M1AP: variants seen among roughly 807,000 people sequenced by gnomAD.
M1AP encodes meiosis 1 associated protein, also known as meiosis 1 arrest protein.
Under a neutral mutation model 51.2 loss-of-function variants are expected in M1AP, and 39 were observed. The observed-to-expected ratio is 0.76, with a 90% CI of 0.59 to 1.00. M1AP has a LOEUF of 1.00. M1AP is among the 50% of genes least tolerant of loss of function. The pLI is 0.00. For synonymous variants in M1AP, 251 were observed against 249.2 expected, an observed-to-expected ratio of 1.01 and a Z score of -0.07; for missense variants, 545 against 641.2, an observed-to-expected ratio of 0.85 and a Z score of 1.62.
chr2:74,595,617 G>A (rs116439955), intron 4 of M1AP, among the ~76,000 whole-genome samples: 1 of 152,192 alleles, frequency 6.6e-6, no homozygotes, highest in Non-Finnish European at 1.5e-5. Flanking sequence ...CTCTCAAGGT[G>A]CTGGGATTGT....
intron 7 of M1AP, among the ~76,000 whole-genome samples, chr2:74,563,328 G>A (rs941187103): frequency 2.0e-5 from 3 of 152,116 alleles, no homozygotes; most frequent in Non-Finnish European, 2.9e-5. Context: ...GGCCGGGAGC[G>A]GTGGCACACA....
chr2:74,629,091 T>G lies in M1AP; in HGVS notation c.240+10945A>C, dbSNP rs373542920. 5 of 157,578 alleles carry G rather than the reference T, an allele frequency of 3.2e-5. 1 individual carries two copies. The highest frequency in any genetic ancestry group is 1.2e-4 in the African/African-American group (5 of 41,632). 9.8% of individuals were successfully genotyped at this position (157,578 alleles called of 1,614,324 possible). A position where few individuals can be genotyped will look rare whatever the true frequency, so the allele number is the denominator to read the frequency against. ...CTAAAGAATAGCTATCTGTTTCTGT[T>G]TTATTAGAGTTTTTACAAAACAAAA... On this transcript the variant is annotated intron_variant, in intron 2 of 10. Transcript: ENST00000421985.
At chr2:74,644,159 A>T (rs1683464979) in intron 1 of M1AP, among the ~76,000 whole-genome samples, 1 of 152,186 alleles carries the variant, frequency 6.6e-6, no homozygotes, top group Admixed American at 6.5e-5. Context: ...ATTAAAGCTT[A>T]TTTGATTTCC....
Position 74,640,129 on chromosome 2 carries a change from G to A in M1AP, c.147C>T (p.Phe49=). 1 of 1,614,032 alleles carries A rather than the reference G, an allele frequency of 6.2e-7. No individual in the cohort carries two copies. The highest frequency in any genetic ancestry group is 1.1e-5 in the South Asian group (1 of 91,016). Residue 49 remains phenylalanine, a synonymous_variant, in exon 2 of 11, where the codon TTC becomes TTT. Transcript: ENST00000421985. The part of the protein sequence containing the change: ...TNLCEALQNF[F]SLACSLMGPS... ...GGCCCATCAAGCTGCAGGCTAGAGA[G>A]AAGAAGTTCTGCAGAGCCTCACAGA... is the stretch of plus-strand genomic sequence containing the variant.
chr2:74,566,118 G>A (rs1678367100), intron 7 of M1AP, among the ~76,000 whole-genome samples: 1 of 152,156 alleles, frequency 6.6e-6, no homozygotes, highest in African/African-American at 2.4e-5. Flanking sequence ...CACATTTTCT[G>A]TACTGTGTTA....
intron 2 of M1AP, chr2:74,628,509 G>A: frequency 2.2e-6 from 1 of 465,052 alleles, no homozygotes; most frequent in Non-Finnish European, 4.3e-6. Context: ...GGAGAACAAG[G>A]CACTAAAGGC....
intron 4 of M1AP, among the ~76,000 whole-genome samples, chr2:74,594,160 A>G (rs1218252573): frequency 6.6e-6 from 1 of 152,206 alleles, no homozygotes; most frequent in Non-Finnish European, 1.5e-5. Context: ...TTTCTGAAAA[A>G]TCAACACTTT....
intron 4 of M1AP, among the ~76,000 whole-genome samples, chr2:74,594,206 C>A (rs540132019): frequency 6.6e-6 from 1 of 152,078 alleles, no homozygotes; most frequent in East Asian, 1.9e-4. Context: ...GTCTTTATAA[C>A]ACAATGTTCA....
chr2:74,618,671 T>C (rs1307962617), intron 2 of M1AP, among the ~76,000 whole-genome samples: 1 of 152,222 alleles, frequency 6.6e-6, no homozygotes, highest in Non-Finnish European at 1.5e-5. Flanking sequence ...TGTTGCAAAA[T>C]GACAAGTGCA....
intron 4 of M1AP, among the ~76,000 whole-genome samples, chr2:74,586,418 A>G (rs1192256917): frequency 2.0e-5 from 3 of 152,086 alleles, no homozygotes; most frequent in Non-Finnish European, 4.4e-5. Flanking sequence ...GCTTCATCTA[A>G]GTTAGTCTCC....
At chr2:74,587,200 T>C (rs1168038902) in intron 4 of M1AP, among the ~76,000 whole-genome samples, 4 of 151,616 alleles carry the variant, frequency 2.6e-5, no homozygotes, top group Non-Finnish European at 5.9e-5. Context: ...TCCTTTTTTT[T>C]TTTTCTTTTT....
chr2:74,632,510 C>G (rs1459028959), intron 2 of M1AP, among the ~76,000 whole-genome samples: 1 of 152,106 alleles, frequency 6.6e-6, no homozygotes, highest in African/African-American at 2.4e-5. Flanking sequence ...CCACTCCTAG[C>G]CTTCCCTCCT....
At chr2:74,597,414 T>C (rs569124978) in intron 4 of M1AP, among the ~76,000 whole-genome samples, 5 of 152,192 alleles carry the variant, frequency 3.3e-5, no homozygotes, top group Non-Finnish European at 2.9e-5. Context: ...TCTAAGACAC[T>C]GAAAGGGAGA....
intron 2 of M1AP, among the ~76,000 whole-genome samples, chr2:74,627,776 G>A (rs2104792514): frequency 6.6e-6 from 1 of 152,184 alleles, no homozygotes; most frequent in African/African-American, 2.4e-5. Context: ...GCCCTAATTT[G>A]GTTTTCACTT....
In M1AP at chr2:74,631,367, C is replaced by T. The variant is rs1417074536; in HGVS notation, c.240+8669G>A. Among the ~76,000 whole-genome samples the T allele has an allele frequency of 2.0e-5, 3 of 152,244 alleles. No homozygotes were observed. The East Asian group carries it at 5.8e-4, about 29-fold the overall frequency. ...CCCTTAAGTTAATCTTTAGCAGTAT[C>T]TATCAATTCACCACTATAGAAATGA... On this transcript the variant is annotated intron_variant, in intron 2 of 10. Coordinates refer to ENST00000421985, the MANE Select transcript of M1AP (RefSeq NM_001321739.2).
intron 2 of M1AP, among the ~76,000 whole-genome samples, chr2:74,627,693 A>G (rs1476253331): frequency 1.3e-5 from 2 of 152,152 alleles, no homozygotes; most frequent in African/African-American, 4.8e-5. Flanking sequence ...GATTCCATTC[A>G]TATTACCTGG....
At chr2:74,633,703 C>T (rs1682823310) in intron 2 of M1AP, among the ~76,000 whole-genome samples, 1 of 152,136 alleles carries the variant, frequency 6.6e-6, no homozygotes, top group Non-Finnish European at 1.5e-5. Flanking sequence ...TAACAACATA[C>T]CTATTGTGTT....
chr2:74,579,017 C>G (rs1334984990), intron 5 of M1AP, among the ~76,000 whole-genome samples: 1 of 152,216 alleles, frequency 6.6e-6, no homozygotes, highest in African/African-American at 2.4e-5. Flanking sequence ...CTCATTCCAG[C>G]TGTGCCTAAA....
intron 1 of M1AP, among the ~76,000 whole-genome samples, chr2:74,641,393 C>A (rs1683288474): frequency 1.3e-5 from 2 of 152,132 alleles, no homozygotes; most frequent in Non-Finnish European, 2.9e-5. Flanking sequence ...GGGACATCAT[C>A]ACAAATGCTC....
Sources: allele counts gnomAD v4.1 joint callset (sites outside exome capture counted in the v4.1 genomes callset), GRCh38; gene constraint gnomAD v4.1.1; transcripts MANE v1.5; gene names NCBI Gene and HGNC (gene_info 2026-07-23, HGNC 2026-07-21).